Variants in EBF2 observed in about 807,000 individuals in gnomAD.
The protein encoded by EBF2 is transcription factor COE2.
EBF2 carries 21 observed loss-of-function variants against 72.8 expected under a neutral mutation model. The observed-to-expected ratio is 0.29, with a 90% CI of 0.20 to 0.42. The LOEUF (loss-of-function observed/expected upper bound fraction) is 0.42. Ranked by LOEUF, EBF2 falls within the 10% of genes least tolerant of loss-of-function variation. The pLI is 1.00. For synonymous variants in EBF2, 299 were observed against 274.2 expected (o/e 1.09, Z -0.89); for missense variants, 637 against 731.2 (o/e 0.87, Z 1.49).
At chr8:25,944,426 T>C (rs1361446409) in intron 6 of EBF2, among the ~76,000 whole-genome samples, 1 of 152,128 alleles carries the variant, frequency 6.6e-6, no homozygotes, top group African/African-American at 2.4e-5. Context: ...TAGAAGTTTT[T>C]GCAGGCAGAG....
At chr8:25,999,326 C>A (rs957746260) in intron 6 of EBF2, among the ~76,000 whole-genome samples, 1 of 151,960 alleles carries the variant, frequency 6.6e-6, no homozygotes, top group Non-Finnish European at 1.5e-5. Context: ...ATTTGGGGGC[C>A]AATGAAGATA....
intron 15 of EBF2, 134 bp downstream of exon 15, chr8:25,850,460 C>G: frequency 8.8e-7 from 1 of 1,130,094 alleles, no homozygotes; most frequent in Non-Finnish European, 1.2e-6. Flanking sequence ...AGAAGCCATT[C>G]ATGTCCCATG....
intron 7 of EBF2, among the ~76,000 whole-genome samples, chr8:25,898,430 T>C (rs764145260): frequency 6.6e-6 from 1 of 150,958 alleles, no homozygotes; most frequent in African/African-American, 2.5e-5. Flanking sequence ...AAAAACCCAA[T>C]TGAGAAATCC....
chr8:26,018,375 G>A (rs1045016989), intron 6 of EBF2, among the ~76,000 whole-genome samples: 11 of 151,372 alleles, frequency 7.3e-5, no homozygotes, highest in African/African-American at 1.9e-4. Context: ...AGAAACGGCC[G>A]GACGCGGTGG....
At chr8:25,945,307 A>ATAG (rs1194517739) in intron 6 of EBF2, among the ~76,000 whole-genome samples, 1 of 152,144 alleles carries the variant, frequency 6.6e-6, no homozygotes, top group East Asian at 1.9e-4. Context: ...CTATATTTAT[A>ATAG]TAGTACTATA....
chr8:25,934,275 A>ACC (rs1803538408), intron 6 of EBF2, among the ~76,000 whole-genome samples: 2 of 138,086 alleles, frequency 1.4e-5, no homozygotes, highest in African/African-American at 5.6e-5. Context: ...ACACACACAC[A>ACC]CCAATCTTGT....
chr8:25,966,600 C>G (rs760183688), intron 6 of EBF2, among the ~76,000 whole-genome samples: 2 of 152,212 alleles, frequency 1.3e-5, no homozygotes, highest in African/African-American at 4.8e-5. Flanking sequence ...TCTGAACTGT[C>G]TTTATGAACA....
intron 6 of EBF2, among the ~76,000 whole-genome samples, chr8:25,943,311 C>CAAAAAAAAAAAAAAA (rs71551840): frequency 8.5e-5 from 5 of 59,128 alleles, no homozygotes; most frequent in African/African-American, 1.4e-4. Context: ...TGTCTCTACA[C>CAAAAAAAAAAAAAAA]AAAAAAAAAA....
chr8:26,032,904 A>G, intron 6 of EBF2, 181 bp downstream of exon 6: 1 of 599,214 alleles, frequency 1.7e-6, no homozygotes, highest in South Asian at 2.0e-5. Flanking sequence ...ACGTGTTCCA[A>G]AGGAAGATTC....
At chr8:25,936,153 T>A (rs1803575272) in intron 6 of EBF2, among the ~76,000 whole-genome samples, 1 of 152,178 alleles carries the variant, frequency 6.6e-6, no homozygotes, top group Non-Finnish European at 1.5e-5. Flanking sequence ...ACCACATTTT[T>A]AAAGCAACAA....
At chr8:25,904,871 T>C (rs779929458) in intron 7 of EBF2, among the ~76,000 whole-genome samples, 37 of 152,220 alleles carry the variant, frequency 2.4e-4, no homozygotes, top group Non-Finnish European at 2.1e-4. Flanking sequence ...CCAATTCTTT[T>C]GTGCACCAAA....
Position 25,866,627 on chromosome 8 carries a change from A to ATTGTT in EBF2, c.1010-3831_1010-3830insAACAA, listed in dbSNP as rs1466738059. 2.6e-4 allele frequency among the ~76,000 whole-genome samples: 27 copies of ATTGTT among 103,064 alleles called. No homozygotes were observed. The Admixed American group carries it at 2.7e-3, about 10-fold the overall frequency. 67.6% of individuals were successfully genotyped at this position (103,064 alleles called of 152,430 possible). ...ATAATGTTTATATTATATTATATATATATATATATTTTTTTTTTTTTTGAG... is the reference window on the plus strand; with the variant it reads ...ATAATGTTTATATTATATTATATATATTGTTTATATATATTTTTTTTTTTTTTGAG... On this transcript the variant is annotated intron_variant, in intron 10 of 15. Coordinates refer to ENST00000520164, the MANE Select transcript of EBF2 (RefSeq NM_022659.4).
intron 15 of EBF2, among the ~76,000 whole-genome samples, chr8:25,845,143 T>C (rs1055063872): frequency 6.6e-6 from 1 of 152,098 alleles, no homozygotes; most frequent in African/African-American, 2.4e-5. Context: ...TTTAATTAGC[T>C]CATCTTCCTT....
intron 6 of EBF2, among the ~76,000 whole-genome samples, chr8:26,013,653 T>C (rs1159664815): frequency 6.6e-6 from 1 of 151,870 alleles, no homozygotes; most frequent in East Asian, 1.9e-4. Context: ...TTCCTGGCTT[T>C]CTGATCCACA....
intron 6 of EBF2, among the ~76,000 whole-genome samples, chr8:25,983,410 A>G (rs1050191390): frequency 6.6e-6 from 1 of 152,220 alleles, no homozygotes; most frequent in Non-Finnish European, 1.5e-5. Context: ...TTCTTCTTCT[A>G]TGTTCCAGAC....
At chr8:25,859,737 G>A (rs1358534870) in intron 13 of EBF2, among the ~76,000 whole-genome samples, 1 of 140,712 alleles carries the variant, frequency 7.1e-6, no homozygotes, top group Admixed American at 8.1e-5. Flanking sequence ...TTTTTTTTGA[G>A]ACAAGATCTC....
chr8:25,852,062 T>A (rs1349590847), intron 14 of EBF2, among the ~76,000 whole-genome samples: 1 of 152,196 alleles, frequency 6.6e-6, no homozygotes, highest in African/African-American at 2.4e-5. Flanking sequence ...CTTAAAGTAG[T>A]CTTGATTTAA....
At chr8:25,850,304 G>A (rs750342457) in intron 15 of EBF2, among the ~76,000 whole-genome samples, 1 of 152,078 alleles carries the variant, frequency 6.6e-6, no homozygotes, top group Non-Finnish European at 1.5e-5. Flanking sequence ...GTAGACACAG[G>A]GTTTTACCAT....
At chr8:25,893,446 C>A (rs899836354) in intron 7 of EBF2, among the ~76,000 whole-genome samples, 2 of 151,892 alleles carry the variant, frequency 1.3e-5, no homozygotes, top group Non-Finnish European at 2.9e-5. Flanking sequence ...GCCACCACAC[C>A]CAGCTAATTT....
Sources: allele counts gnomAD v4.1 joint callset (sites outside exome capture counted in the v4.1 genomes callset), GRCh38; gene constraint gnomAD v4.1.1; transcripts MANE v1.5; gene names NCBI Gene and HGNC (gene_info 2026-07-23, HGNC 2026-07-21).